The following PDE2A variants were observed in gnomAD, a reference collection of about 807,000 sequenced individuals.
PDE2A encodes the protein cGMP-dependent 3',5'-cyclic phosphodiesterase.
Under a neutral mutation model 133.6 loss-of-function variants are expected in PDE2A, and 53 were observed. That is an observed-to-expected ratio of 0.40 (90% CI 0.32 to 0.50). The LOEUF (loss-of-function observed/expected upper bound fraction) is 0.50. Ranked by LOEUF, PDE2A falls within the 20% of genes least tolerant of loss-of-function variation. The probability of loss-of-function intolerance (pLI) is 0.73; values close to 1 mark genes in which losing one functional copy is unlikely to be tolerated. For missense variants in PDE2A, 796 were observed against 1,232.4 expected (o/e 0.65, Z 5.30); for synonymous variants, 491 against 490.2 (o/e 1.00, Z -0.02).
At chr11:72,625,567 C>A (rs1374303133) in intron 2 of PDE2A, among the ~76,000 whole-genome samples, 1 of 152,122 alleles carries the variant, frequency 6.6e-6, no homozygotes, top group Non-Finnish European at 1.5e-5. Context: ...GAAAAGGCAG[C>A]CTGAGGAGGG....
chr11:72,668,732 C>A (rs941900280), intron 1 of PDE2A, among the ~76,000 whole-genome samples: 1 of 152,256 alleles, frequency 6.6e-6, no homozygotes, highest in Non-Finnish European at 1.5e-5. Flanking sequence ...CCCTTCTTCA[C>A]CAAGCCCTTT....
chr11:72,605,128 A>T lies in PDE2A; in HGVS notation c.323+10T>A. On this transcript the variant is annotated intron_variant, in intron 4 of 30. Transcript: ENST00000334456. ...GCAAGAGGGCAATGGGGGTGCAGAG[A>T]ATGGCTCACCGGACTTTCCCCTCCT... 1 of 1,587,874 alleles carries T rather than the reference A, an allele frequency of 6.3e-7. No homozygotes were observed. Among genetic ancestry groups the T allele is most frequent in the Non-Finnish European group, 8.6e-7 (1 of 1,159,234 alleles).
intron 1 of PDE2A, among the ~76,000 whole-genome samples, chr11:72,654,417 G>C (rs1371067667): frequency 6.6e-6 from 1 of 152,172 alleles, no homozygotes; most frequent in Non-Finnish European, 1.5e-5. Flanking sequence ...CTCTCTTGAG[G>C]CCAGTGCAGG....
At position 72,589,787 on chromosome 11, in the gene PDE2A, G is replaced by A. The variant is rs370167004; in HGVS notation, c.837C>T (p.Ile279=). ...EDNLQLSCKV[I]GDKVLGEEVS... Reference sequence around the variant, plus strand: ...CCTCTTCCCCGAGCACTTTGTCTCCGATGACCTGAGGAACGGAGTGCAGGG... The same window carrying A: ...CCTCTTCCCCGAGCACTTTGTCTCCAATGACCTGAGGAACGGAGTGCAGGG... The change falls in exon 11 of 31, where the codon ATC becomes ATT. Residue 279 remains isoleucine, a synonymous_variant. Coordinates refer to ENST00000334456, the MANE Select transcript of PDE2A (RefSeq NM_002599.5). 8.1e-6 allele frequency: 13 copies of A among 1,613,700 alleles called. No individual in the cohort carries two copies. In the African/African-American group the frequency reaches 1.7e-4, roughly 22 times the overall value.
At chr11:72,605,850 C>G (rs1215906199) in intron 3 of PDE2A, among the ~76,000 whole-genome samples, 1 of 145,084 alleles carries the variant, frequency 6.9e-6, no homozygotes, top group Non-Finnish European at 1.5e-5. Context: ...GGCTCCCAGG[C>G]CTTATAGCAG....
chr11:72,597,484 GCCCCT>G lies in PDE2A; in HGVS notation c.433+21_433+25del. 1.4e-6 allele frequency: 2 copies of G among 1,395,064 alleles called. No homozygotes were observed. The highest frequency in any genetic ancestry group is 2.0e-6 in the Non-Finnish European group (2 of 993,972). 86.4% of individuals were successfully genotyped at this position (1,395,064 alleles called of 1,614,324 possible). A position where few individuals can be genotyped will look rare whatever the true frequency, so the allele number is the denominator to read the frequency against. On this transcript the variant is annotated intron_variant, in intron 5 of 30. Transcript: ENST00000334456. The surrounding 1 kb of genome is among the most constrained non-coding windows in gnomAD (Gnocchi z 4.6). ...ACAGTCCCTCCCTGCCCCTGCCCCTGCCCCTGCCCAGCCCCTAGCCCTTACCTTGG... is the reference window on the plus strand; with the variant it reads ...ACAGTCCCTCCCTGCCCCTGCCCCTGGCCCAGCCCCTAGCCCTTACCTTGG...
chr11:72,579,720 G>A (rs1412833853), intron 25 of PDE2A, 112 bp from the exon 26 acceptor site: 2 of 729,938 alleles, frequency 2.7e-6, no homozygotes, highest in Non-Finnish European at 2.3e-6. Context: ...GGTCAGCAGA[G>A]CAGTCAGAAA....
At chr11:72,638,469 C>G (rs1858802123) in intron 2 of PDE2A, among the ~76,000 whole-genome samples, 2 of 152,300 alleles carry the variant, frequency 1.3e-5, no homozygotes, top group South Asian at 4.1e-4. Flanking sequence ...GGAGCCAGAC[C>G]CCAGCACCAG....
chr11:72,662,830 A>G (rs1442788223), intron 1 of PDE2A, among the ~76,000 whole-genome samples: 1 of 152,086 alleles, frequency 6.6e-6, no homozygotes, highest in Non-Finnish European at 1.5e-5. Context: ...GGAGCTTCCT[A>G]ACCCCAAAGC....
chr11:72,605,268 C>A (rs1856921172), intron 3 of PDE2A, 42 bp from the exon 4 acceptor site: 1 of 1,269,060 alleles, frequency 7.9e-7, no homozygotes, highest in African/African-American at 1.5e-5. Context: ...GAGAGGCCCT[C>A]CCAGCTGCCC....
At chr11:72,583,536 T>C in intron 19 of PDE2A, 21 bp from the exon 20 acceptor site, 2 of 1,547,842 alleles carry the variant, frequency 1.3e-6, no homozygotes, top group African/African-American at 1.4e-5. Flanking sequence ...GAGGGAAAGA[T>C]GGGGCTCAAG....
intron 3 of PDE2A, 37 bp downstream of exon 3, chr11:72,608,625 G>T (rs1240094881): frequency 2.0e-6 from 2 of 1,015,180 alleles, no homozygotes; most frequent in Non-Finnish European, 3.1e-6. Context: ...GGATTTGGGG[G>T]TGGGGTGGGA....
Position 72,617,908 on chromosome 11 carries a change from G to C in PDE2A, c.145-9157C>G, listed in dbSNP as rs115468657. Among the ~76,000 whole-genome samples the C allele has an allele frequency of 9.8e-3, 1,493 of 152,274 alleles. 21 individuals carry two copies. Among genetic ancestry groups the C allele is most frequent in the African/African-American group, 0.034 (1,430 of 41,540 alleles). ...TTCCTAAAAATAGCCTTTCTCTTTG[G>C]GGGGTTGGGATAAGCAATCTTCTGA... On this transcript the variant is annotated intron_variant, in intron 2 of 30. Coordinates refer to ENST00000334456, the MANE Select transcript of PDE2A (RefSeq NM_002599.5).
chr11:72,582,753 C>A (rs537629197), intron 20 of PDE2A, among the ~76,000 whole-genome samples, 187 bp from the exon 21 acceptor site: 1 of 152,276 alleles, frequency 6.6e-6, no homozygotes, highest in East Asian at 1.9e-4. Context: ...CCACCCCGCG[C>A]GCCTCCCTGC....
chr11:72,673,572 T>C (rs1324711345), intron 1 of PDE2A, among the ~76,000 whole-genome samples: 1 of 152,144 alleles, frequency 6.6e-6, no homozygotes, highest in Non-Finnish European at 1.5e-5. Flanking sequence ...GGACAGACGC[T>C]TTGGGGTAAA....
intron 1 of PDE2A, among the ~76,000 whole-genome samples, chr11:72,670,218 T>C (rs528128794): frequency 6.6e-6 from 1 of 152,220 alleles, no homozygotes; most frequent in African/African-American, 2.4e-5. Context: ...CAATGGCCCC[T>C]CCTCCTAAAT....
chr11:72,655,505 ACGCACG>A (rs1206341999), intron 1 of PDE2A, among the ~76,000 whole-genome samples: 1 of 151,060 alleles, frequency 6.6e-6, no homozygotes, highest in African/African-American at 2.4e-5. Context: ...GTGTGTGTGC[ACGCACG>A]TGTGTGTGTG....
At position 72,590,509 on chromosome 11, in the gene PDE2A, C is replaced by G. The variant is rs755069084; in HGVS notation, c.621G>C (p.Gln207His). The G allele has an allele frequency of 1.3e-6, 2 of 1,486,818 alleles. No homozygotes were observed. The highest frequency in any genetic ancestry group is 4.9e-5 in the East Asian group (2 of 40,714). 92.1% of individuals were successfully genotyped at this position (1,486,818 alleles called of 1,614,324 possible). Residue 207 changes from glutamine (Q) to histidine (H), a missense_variant, in exon 8 of 31, where the codon CAG becomes CAC. By Grantham distance (24) the Gln-to-His change is conservative. Coordinates refer to ENST00000334456, the MANE Select transcript of PDE2A (RefSeq NM_002599.5). This position sits in a 1 kb window ranked among gnomAD's most constrained non-coding sequence, Gnocchi z 4.8. ...RGPREAPRAV[Q>H]NPPEGTAEDQ... is the part of the protein sequence containing the mutation. The stretch of plus-strand genomic sequence containing the variant: ...CTTCCGCCGTCCCCTCCGGGGGGTT[C>G]TGGACGGCTCGGGGAGCCTCCCTGG...
In PDE2A at chr11:72,577,561, C is replaced by T. The variant is rs1855522687; in HGVS notation, c.2649G>A (p.Glu883=). 1 of 1,606,146 alleles carries T rather than the reference C, an allele frequency of 6.2e-7. No homozygotes were observed. Among genetic ancestry groups the T allele is most frequent in the African/African-American group, 1.3e-5 (1 of 74,920 alleles). The change falls in exon 31 of 31, where the codon GAG becomes GAA. Residue 883 remains glutamate, a synonymous_variant. Coordinates refer to ENST00000334456, the MANE Select transcript of PDE2A (RefSeq NM_002599.5). ...LLQDLFPKAA[E]LYERVASNRE... ...GGTTGGAGGCCACGCGCTCGTACAG[C>T]TCTGCCGCTTTGGGGAACAGGTCCT...
Sources: allele counts gnomAD v4.1 joint callset (sites outside exome capture counted in the v4.1 genomes callset), GRCh38; gene constraint gnomAD v4.1.1; non-coding constraint Gnocchi (gnomAD v3.1); transcripts MANE v1.5; gene names NCBI Gene and HGNC (gene_info 2026-07-23, HGNC 2026-07-21).